CDKAL1: variants seen among roughly 807,000 people sequenced by gnomAD.
The protein encoded by CDKAL1 is threonylcarbamoyladenosine tRNA methylthiotransferase.
Under a neutral mutation model 68.2 loss-of-function variants are expected in CDKAL1, and 32 were observed. The ratio of observed to expected loss-of-function variants is 0.47; its 90% CI spans 0.35 to 0.63. The LOEUF (loss-of-function observed/expected upper bound fraction) is 0.63, where lower values mean the gene tolerates loss of function less well. CDKAL1 is among the 30% of genes least tolerant of loss of function. The pLI is 0.00. For missense variants in CDKAL1, 606 were observed against 696.7 expected, an observed-to-expected ratio of 0.87 and a Z score of 1.47; for synonymous variants, 234 against 244.3, an observed-to-expected ratio of 0.96 and a Z score of 0.39.
At chr6:21,163,757 A>C (rs1311051580) in intron 13 of CDKAL1, among the ~76,000 whole-genome samples, 1 of 152,172 alleles carries the variant, frequency 6.6e-6, no homozygotes, top group Non-Finnish European at 1.5e-5. Context: ...GTTTGAGACC[A>C]GCCTGGCCAA....
At chr6:20,894,495 T>G (rs2150584423) in intron 9 of CDKAL1, among the ~76,000 whole-genome samples, 1 of 152,064 alleles carries the variant, frequency 6.6e-6, no homozygotes, top group African/African-American at 2.4e-5. Flanking sequence ...TTACAGGTTT[T>G]AAGTGTAAGC....
At chr6:20,616,987 C>T (rs1766942734) in intron 4 of CDKAL1, among the ~76,000 whole-genome samples, 1 of 147,858 alleles carries the variant, frequency 6.8e-6, no homozygotes, top group East Asian at 2.0e-4. Context: ...CTGCAGTGAG[C>T]TGTGATTGCA....
chr6:20,624,456 A>AG (rs1340530714), intron 4 of CDKAL1, among the ~76,000 whole-genome samples: 5 of 152,086 alleles, frequency 3.3e-5, no homozygotes, highest in Admixed American at 6.6e-5. Context: ...AGGGCAGGCC[A>AG]GGCAGATAAT....
In CDKAL1 at chr6:20,898,361, G is replaced by A. The variant is rs116805184; in HGVS notation, c.742+52183G>A. 7.1e-3 allele frequency among the ~76,000 whole-genome samples: 1,060 copies of A among 149,502 alleles called. 13 individuals are homozygous for A. The highest frequency in any genetic ancestry group is 0.025 in the African/African-American group (1,017 of 40,536). ...GCCTCCTATGACATTGGGAATTCTC[G>A]TTCTTGATTGTGTAGCCGTCTCCGG... On this transcript the variant is annotated intron_variant, in intron 9 of 15. Coordinates refer to ENST00000274695, the MANE Select transcript of CDKAL1 (RefSeq NM_017774.3).
chr6:20,568,462 C>T (rs1372567575), intron 4 of CDKAL1, among the ~76,000 whole-genome samples: 2 of 151,734 alleles, frequency 1.3e-5, no homozygotes, highest in African/African-American at 2.4e-5. Flanking sequence ...GGGCCTGGCA[C>T]GGTGGCTCAC....
chr6:20,893,425 A>T (rs184148159), intron 9 of CDKAL1, among the ~76,000 whole-genome samples: 11 of 152,342 alleles, frequency 7.2e-5, no homozygotes, highest in Admixed American at 1.3e-4. Flanking sequence ...AATAATCACA[A>T]TAAAGAGTAA....
At chr6:21,123,508 T>A (rs533926645) in intron 13 of CDKAL1, among the ~76,000 whole-genome samples, 2 of 152,280 alleles carry the variant, frequency 1.3e-5, no homozygotes, top group South Asian at 4.1e-4. Flanking sequence ...TTGAGTGTAC[T>A]ACAAATTAAG....
At chr6:20,814,420 T>C (rs1217806692) in intron 8 of CDKAL1, among the ~76,000 whole-genome samples, 3 of 152,160 alleles carry the variant, frequency 2.0e-5, no homozygotes, top group African/African-American at 4.8e-5. Flanking sequence ...TCTGGGACTA[T>C]AGGCACTTGC....
intron 2 of CDKAL1, among the ~76,000 whole-genome samples, chr6:20,545,385 T>C (rs1241370025): frequency 1.3e-5 from 2 of 152,156 alleles, no homozygotes; most frequent in African/African-American, 4.8e-5. Context: ...AACATGAACC[T>C]ATCTAGTTTC....
At chr6:20,924,549 A>G (rs1763099862) in intron 9 of CDKAL1, among the ~76,000 whole-genome samples, 1 of 152,254 alleles carries the variant, frequency 6.6e-6, no homozygotes, top group African/African-American at 2.4e-5. Flanking sequence ...GATATGAAGA[A>G]AGTTTGAGTG....
chr6:21,183,860 A>G (rs1003178826), intron 13 of CDKAL1, among the ~76,000 whole-genome samples: 3 of 152,180 alleles, frequency 2.0e-5, no homozygotes, highest in African/African-American at 7.2e-5. Flanking sequence ...AACCAGAAAT[A>G]AAATTCTAAG....
chr6:20,652,657 G>A (rs938926582), intron 5 of CDKAL1, among the ~76,000 whole-genome samples: 2 of 152,002 alleles, frequency 1.3e-5, no homozygotes, highest in African/African-American at 4.8e-5. Flanking sequence ...TTCCCAGCCA[G>A]ACTTTTAAAA....
chr6:20,896,582 T>C lies in CDKAL1; in HGVS notation c.742+50404T>C, dbSNP rs184205106. Among the ~76,000 whole-genome samples the C allele has an allele frequency of 2.0e-4, 31 of 152,382 alleles. 1 individual carries two copies. The highest frequency in any genetic ancestry group is 1.8e-3 in the Admixed American group (27 of 15,310). ...TGCCAAGTAAAATAAAGAATACTTA[T>C]TTTAAATCAATAATGAAAACCATGG... On this transcript the variant is annotated intron_variant, in intron 9 of 15. Transcript: ENST00000274695.
At chr6:20,780,119 A>AG (rs201370011) in intron 7 of CDKAL1, among the ~76,000 whole-genome samples, 1,651 of 147,512 alleles carry the variant, frequency 0.011, 20 homozygotes, top group African/African-American at 0.026. Context: ...AAAAAAAAAA[A>AG]AGACAAAATG....
chr6:21,138,237 CTG>C (rs144464167), intron 13 of CDKAL1, among the ~76,000 whole-genome samples: 49 of 151,256 alleles, frequency 3.2e-4, no homozygotes, highest in Middle Eastern at 3.4e-3. Flanking sequence ...ATGTGTGTGT[CTG>C]TGTGTGTGTG....
chr6:21,066,224 C>T (rs1771432284), intron 12 of CDKAL1, among the ~76,000 whole-genome samples: 1 of 151,968 alleles, frequency 6.6e-6, no homozygotes, highest in Admixed American at 6.6e-5. Flanking sequence ...AAGTGAATAT[C>T]ATAAAACCAA....
intron 4 of CDKAL1, among the ~76,000 whole-genome samples, chr6:20,603,768 A>ATTT (rs745786047): frequency 0.015 from 1,235 of 85,148 alleles, 174 homozygotes; most frequent in African/African-American, 0.05. Flanking sequence ...CAGTTGCTAA[A>ATTT]TTTTTTTTTT....
intron 5 of CDKAL1, among the ~76,000 whole-genome samples, chr6:20,702,041 G>C (rs574703924): frequency 1.3e-5 from 2 of 152,278 alleles, no homozygotes; most frequent in African/African-American, 4.8e-5. Flanking sequence ...AATTTTCTCA[G>C]AAAAGGAGAA....
At chr6:21,018,123 A>G (rs1768442673) in intron 11 of CDKAL1, among the ~76,000 whole-genome samples, 1 of 152,172 alleles carries the variant, frequency 6.6e-6, no homozygotes. Flanking sequence ...CCATTGCAGT[A>G]TTTGGTGTAC....
Sources: allele counts gnomAD v4.1 joint callset (sites outside exome capture counted in the v4.1 genomes callset), GRCh38; gene constraint gnomAD v4.1.1; transcripts MANE v1.5; gene names NCBI Gene and HGNC (gene_info 2026-07-23, HGNC 2026-07-21).